CEP112: variants seen among roughly 807,000 people sequenced by gnomAD.
CEP112 encodes centrosomal protein 112, also known as centrosomal protein of 112 kDa.
Under a neutral mutation model 153.0 loss-of-function variants are expected in CEP112, and 127 were observed. That is an observed-to-expected ratio of 0.83 (90% confidence interval 0.72 to 0.96). The LOEUF (loss-of-function observed/expected upper bound fraction) is 0.96, where lower values mean the gene tolerates loss of function less well. Ranked by LOEUF, CEP112 falls within the 40% of genes least tolerant of loss-of-function variation. The pLI, the probability that CEP112 is intolerant of heterozygous loss-of-function variation, is 0.00. For synonymous variants in CEP112, 358 were observed against 374.4 expected, an observed-to-expected ratio of 0.96 and a Z score of 0.51; for missense variants, 1,089 against 1,101.2, an observed-to-expected ratio of 0.99 and a Z score of 0.16.
At chr17:66,173,043 A>G (rs774120331) in intron 4 of CEP112, among the ~76,000 whole-genome samples, 16 of 152,236 alleles carry the variant, frequency 1.1e-4, no homozygotes, top group Non-Finnish European at 2.2e-4. Context: ...ACAGACGCAC[A>G]GGCTGTGCCC....
At chr17:65,700,309 C>T (rs193290993) in intron 23 of CEP112, among the ~76,000 whole-genome samples, 255 of 152,212 alleles carry the variant, frequency 1.7e-3, no homozygotes, top group African/African-American at 4.7e-3. Flanking sequence ...CTAATGTGTA[C>T]GGCAAGCTTA....
At chr17:66,048,128 T>G (rs965701749) in intron 12 of CEP112, among the ~76,000 whole-genome samples, 6 of 152,300 alleles carry the variant, frequency 3.9e-5, no homozygotes, top group Non-Finnish European at 5.9e-5. Flanking sequence ...TTGAATATTT[T>G]TATGTGTGGT....
intron 23 of CEP112, among the ~76,000 whole-genome samples, chr17:65,717,931 A>G (rs1405815698): frequency 1.3e-5 from 2 of 152,122 alleles, no homozygotes; most frequent in African/African-American, 4.8e-5. Flanking sequence ...TAAAAACCAA[A>G]TGGAACAACA....
At chr17:66,178,297 C>T (rs562199153) in intron 2 of CEP112, among the ~76,000 whole-genome samples, 4 of 152,140 alleles carry the variant, frequency 2.6e-5, no homozygotes, top group African/African-American at 9.7e-5. Flanking sequence ...TTTTTATCTG[C>T]GTTGCTCTGA....
chr17:65,773,340 T>C (rs552505254), intron 21 of CEP112, among the ~76,000 whole-genome samples: 29 of 152,360 alleles, frequency 1.9e-4, no homozygotes, highest in African/African-American at 4.8e-4. Flanking sequence ...CAGTCTTTCC[T>C]TGATGACCTG....
Position 66,066,825 on chromosome 17 carries a change from C to G in CEP112, c.908G>C (p.Ser303Thr), listed in dbSNP as rs531263231. The G allele has an allele frequency of 8.0e-5, 125 of 1,555,700 alleles. 1 individual carries two copies. In the South Asian group the frequency reaches 1.5e-3, roughly 18 times the overall value. Residue 303 changes from serine (S) to threonine (T), a missense_variant, in exon 10 of 27, where the codon AGT becomes ACT. Coordinates refer to ENST00000535342, the MANE Select transcript of CEP112 (RefSeq NM_001199165.4). ...AGTCTCTTCAGTTTCATGTTGTTTA[C>G]TCCTGTATAAAGTTTTCAGTTCTTC... is the stretch of plus-strand genomic sequence containing the variant. Reference protein sequence around the residue: ...EIEELKTLYRSKQHETEETIR... With the variant: ...EIEELKTLYRTKQHETEETIR...
chr17:65,991,242 A>G (rs2063583691), intron 17 of CEP112, among the ~76,000 whole-genome samples: 1 of 152,200 alleles, frequency 6.6e-6, no homozygotes, highest in Non-Finnish European at 1.5e-5. Context: ...TAATTCATTG[A>G]ATTCTAGGTA....
rs532978254 is a variant in CEP112 at position 65,637,612 on chromosome 17, A to T, written c.2800-424T>A. On this transcript the variant is annotated intron_variant, in intron 25 of 26. Coordinates refer to ENST00000535342, the MANE Select transcript of CEP112 (RefSeq NM_001199165.4). ...TGTCACCTCTCCTGTGGAATCGTTC[A>T]CCTCCTCCCCAGCTGCTCCTTGCCT... Among the ~76,000 whole-genome samples, 3 of 151,950 alleles carry T rather than the reference A, an allele frequency of 2.0e-5. No homozygotes were observed. The East Asian group carries it at 5.8e-4, about 29-fold the overall frequency.
chr17:65,849,329 C>T (rs1288058537), intron 21 of CEP112, among the ~76,000 whole-genome samples: 1 of 152,186 alleles, frequency 6.6e-6, no homozygotes, highest in Non-Finnish European at 1.5e-5. Flanking sequence ...CCCAAATTCA[C>T]ACTGTCTTGC....
At chr17:65,957,765 C>T (rs978230838) in intron 18 of CEP112, among the ~76,000 whole-genome samples, 48 of 152,092 alleles carry the variant, frequency 3.2e-4, no homozygotes, top group Middle Eastern at 3.4e-3. Context: ...TCAAGCTTTG[C>T]TTTTTAACTT....
At chr17:66,056,839 C>CA (rs1031466480) in intron 11 of CEP112, among the ~76,000 whole-genome samples, 3 of 151,784 alleles carry the variant, frequency 2.0e-5, no homozygotes, top group South Asian at 4.2e-4. Flanking sequence ...GTGAATACAT[C>CA]AAAAAAACCA....
chr17:66,038,261 A>G lies in CEP112; in HGVS notation c.1219-8238T>C, dbSNP rs1293530660. On this transcript the variant is annotated intron_variant, in intron 12 of 26. Coordinates refer to ENST00000535342, the MANE Select transcript of CEP112 (RefSeq NM_001199165.4). Reference sequence around the variant, plus strand: ...GAAATGAAAAAGTGGCCTTTGCATTAAGATCTCTATTTGTCAAACAAATAC... The same window carrying G: ...GAAATGAAAAAGTGGCCTTTGCATTGAGATCTCTATTTGTCAAACAAATAC... Among the ~76,000 whole-genome samples the G allele has an allele frequency of 2.6e-5, 4 of 152,320 alleles. No individual in the cohort carries two copies. The East Asian group carries it at 7.7e-4, about 29-fold the overall frequency.
chr17:65,649,711 C>A (rs1395470979), intron 24 of CEP112, among the ~76,000 whole-genome samples: 1 of 103,192 alleles, frequency 9.7e-6, no homozygotes, highest in African/African-American at 4.8e-5. Flanking sequence ...GAATAAGACC[C>A]TGTCTCAAAA....
At chr17:65,664,273 G>A (rs1038479444) in intron 24 of CEP112, among the ~76,000 whole-genome samples, 3 of 152,160 alleles carry the variant, frequency 2.0e-5, no homozygotes, top group Admixed American at 6.5e-5. Flanking sequence ...GAGCCAAGGC[G>A]AAAATGAGTG....
intron 24 of CEP112, among the ~76,000 whole-genome samples, chr17:65,646,869 G>C (rs915664409): frequency 2.0e-5 from 3 of 152,156 alleles, no homozygotes; most frequent in African/African-American, 7.2e-5. Context: ...TCTAGTCAGC[G>C]ATCTTTTTAA....
chr17:65,735,674 A>G (rs2050761501), intron 23 of CEP112, among the ~76,000 whole-genome samples: 1 of 152,236 alleles, frequency 6.6e-6, no homozygotes, highest in South Asian at 2.1e-4. Flanking sequence ...AGTGAAGAAA[A>G]TAATGACTAG....
intron 17 of CEP112, among the ~76,000 whole-genome samples, chr17:66,003,434 T>C (rs2064142320): frequency 6.6e-6 from 1 of 152,178 alleles, no homozygotes; most frequent in Non-Finnish European, 1.5e-5. Flanking sequence ...AAACGATCAG[T>C]CTGAACTTTA....
intron 12 of CEP112, among the ~76,000 whole-genome samples, chr17:66,039,865 G>A (rs1329769704): frequency 2.0e-5 from 3 of 152,088 alleles, no homozygotes; most frequent in East Asian, 1.9e-4. Flanking sequence ...GCTTCTTCAT[G>A]CATATTATAT....
intron 18 of CEP112, among the ~76,000 whole-genome samples, chr17:65,945,819 G>C (rs1000284447): frequency 6.6e-6 from 1 of 152,006 alleles, no homozygotes. Flanking sequence ...GCTAATTTTT[G>C]TATTTTTAGT....
Sources: gnomAD v4.1 joint callset for allele counts (sites outside exome capture counted in the v4.1 genomes callset) on GRCh38, gnomAD v4.1.1 for gene constraint, MANE v1.5 for transcripts, NCBI Gene and HGNC (gene_info 2026-07-23, HGNC 2026-07-21) for gene names.